PCSK6: variants seen among roughly 807,000 people sequenced by gnomAD.
PCSK6 encodes paired basic amino acid cleaving enzyme 4.
Under a neutral mutation model 123.3 loss-of-function variants are expected in PCSK6, and 85 were observed. That is an observed-to-expected ratio of 0.69 (90% confidence interval 0.58 to 0.83). PCSK6 has a LOEUF of 0.83. Ranked by LOEUF, PCSK6 falls within the 40% of genes least tolerant of loss-of-function variation. The probability of loss-of-function intolerance (pLI) is 0.00; values close to 1 mark genes in which losing one functional copy is unlikely to be tolerated. For synonymous variants in PCSK6, 508 were observed against 516.0 expected, an observed-to-expected ratio of 0.98 and a Z score of 0.21; for missense variants, 1,191 against 1,282.3, an observed-to-expected ratio of 0.93 and a Z score of 1.09.
At chr15:101,341,914 G>A (rs921421046) in intron 13 of PCSK6, among the ~76,000 whole-genome samples, 9 of 152,262 alleles carry the variant, frequency 5.9e-5, no homozygotes, top group Admixed American at 5.2e-4. Context: ...TGGGTCACTT[G>A]AGGTCAGGAG....
chr15:101,447,910 A>G (rs1326119312), intron 1 of PCSK6, among the ~76,000 whole-genome samples: 3 of 152,342 alleles, frequency 2.0e-5, no homozygotes, highest in Admixed American at 1.3e-4. Context: ...GGGCCCTGGC[A>G]GCCTCCTCCT....
intron 6 of PCSK6, among the ~76,000 whole-genome samples, chr15:101,413,756 T>C (rs2055787073): frequency 6.6e-6 from 1 of 152,224 alleles, no homozygotes; most frequent in East Asian, 1.9e-4. Context: ...ATGCCTTGAC[T>C]TGATCATTCT....
intron 6 of PCSK6, among the ~76,000 whole-genome samples, chr15:101,411,446 C>T (rs1026713147): frequency 6.6e-6 from 1 of 152,106 alleles, no homozygotes; most frequent in Non-Finnish European, 1.5e-5. Flanking sequence ...AGCAACAGCT[C>T]CCTCCACTCC....
At chr15:101,429,690 T>C (rs2056381696) in intron 5 of PCSK6, among the ~76,000 whole-genome samples, 1 of 152,006 alleles carries the variant, frequency 6.6e-6, no homozygotes, top group South Asian at 2.1e-4. Context: ...GACTTAAGGG[T>C]TTCTCTTTTA....
intron 1 of PCSK6, among the ~76,000 whole-genome samples, chr15:101,488,089 A>C (rs1351191268): frequency 1.3e-5 from 2 of 152,194 alleles, no homozygotes. Flanking sequence ...ATAGTACATC[A>C]ACGTGGGGCT....
At chr15:101,354,276 A>C (rs956819585) in intron 13 of PCSK6, among the ~76,000 whole-genome samples, 11 of 152,228 alleles carry the variant, frequency 7.2e-5, no homozygotes, top group Admixed American at 3.3e-4. Flanking sequence ...ATAGACATGC[A>C]CATGGACACA....
At chr15:101,362,574 T>C (rs1005168768) in intron 13 of PCSK6, among the ~76,000 whole-genome samples, 23 of 151,700 alleles carry the variant, frequency 1.5e-4, no homozygotes, top group African/African-American at 5.1e-4. Context: ...GGCCCCCAGG[T>C]GTGGCATCAC....
chr15:101,423,514 A>G (rs2056152852), intron 6 of PCSK6, among the ~76,000 whole-genome samples: 1 of 152,166 alleles, frequency 6.6e-6, no homozygotes, highest in South Asian at 2.1e-4. Context: ...CACTCACCTC[A>G]GCCACCCAAA....
At chr15:101,418,114 G>A (rs1221068154) in intron 6 of PCSK6, among the ~76,000 whole-genome samples, 2 of 152,206 alleles carry the variant, frequency 1.3e-5, no homozygotes, top group East Asian at 3.9e-4. Flanking sequence ...TGAAAATCTT[G>A]AAAAATTGAT....
chr15:101,412,256 G>A (rs1384845878), intron 6 of PCSK6, among the ~76,000 whole-genome samples: 1 of 152,156 alleles, frequency 6.6e-6, no homozygotes, highest in Non-Finnish European at 1.5e-5. Flanking sequence ...AAATGTACAG[G>A]TTTCAAAGGA....
chr15:101,461,076 T>C (rs2057330186), intron 1 of PCSK6, among the ~76,000 whole-genome samples: 1 of 152,072 alleles, frequency 6.6e-6, no homozygotes, highest in East Asian at 1.9e-4. Flanking sequence ...AAAGGCCAAA[T>C]GCAGTTCTTT....
intron 1 of PCSK6, among the ~76,000 whole-genome samples, chr15:101,450,490 C>T (rs111500401): frequency 0.011 from 1,732 of 152,314 alleles, 25 homozygotes; most frequent in African/African-American, 0.035. Flanking sequence ...GCTATGACAC[C>T]CTTTGTCCTC....
Position 101,330,404 on chromosome 15 carries a change from A to G in PCSK6, c.2077+1247T>C, listed in dbSNP as rs138967821. ...CCGTCACTCCTGATGCACCATGACC[A>G]TGGCCGGCTCCGCACACCCCGTCTC... On this transcript the variant is annotated intron_variant, in intron 15 of 21. Coordinates refer to ENST00000611716, the MANE Select transcript of PCSK6 (RefSeq NM_002570.5). Among the ~76,000 whole-genome samples the G allele has an allele frequency of 1.9e-3, 287 of 152,286 alleles. 1 individual carries two copies. Among genetic ancestry groups the G allele is most frequent in the African/African-American group, 6.6e-3 (275 of 41,568 alleles).
At chr15:101,438,205 C>T (rs145652818) in intron 2 of PCSK6, among the ~76,000 whole-genome samples, 1 of 152,342 alleles carries the variant, frequency 6.6e-6, no homozygotes, top group Non-Finnish European at 1.5e-5. Context: ...ACTATGAGGT[C>T]CAACACTGCT....
intron 12 of PCSK6, among the ~76,000 whole-genome samples, chr15:101,368,302 G>A (rs2041461160): frequency 6.6e-6 from 1 of 152,214 alleles, no homozygotes; most frequent in Non-Finnish European, 1.5e-5. Flanking sequence ...GGGAGGCTGG[G>A]GCAGCGGAAG....
Position 101,362,050 on chromosome 15 carries a change from A to G in PCSK6, c.1858+4146T>C, listed in dbSNP as rs566872906. Reference sequence around the variant, plus strand: ...CAGCTCACTGCAAGCTCCACCTCCCAGGTTCACACCATTCTCTTCCCTCAG... The same window carrying G: ...CAGCTCACTGCAAGCTCCACCTCCCGGGTTCACACCATTCTCTTCCCTCAG... On this transcript the variant is annotated intron_variant, in intron 13 of 21. Coordinates refer to ENST00000611716, the MANE Select transcript of PCSK6 (RefSeq NM_002570.5). 3.4e-3 allele frequency among the ~76,000 whole-genome samples: 465 copies of G among 135,516 alleles called. 1 individual carries two copies. Among genetic ancestry groups the G allele is most frequent in the Middle Eastern group, 0.014 (3 of 210 alleles). The allele number at this position is 135,516 out of a possible 152,430, so 88.9% of individuals were successfully genotyped here. A position where few individuals can be genotyped will look rare whatever the true frequency, so the allele number is the denominator to read the frequency against.
intron 6 of PCSK6, among the ~76,000 whole-genome samples, chr15:101,408,474 C>A (rs1344683137): frequency 6.6e-6 from 1 of 152,226 alleles, no homozygotes; most frequent in Non-Finnish European, 1.5e-5. Flanking sequence ...GGCATGGCCA[C>A]CAGGGAGACA....
intron 1 of PCSK6, among the ~76,000 whole-genome samples, chr15:101,466,824 G>A (rs1344632599): frequency 6.6e-6 from 1 of 152,144 alleles, no homozygotes; most frequent in Non-Finnish European, 1.5e-5. Context: ...GAGAGTAGAT[G>A]AGTGGCTGCT....
intron 2 of PCSK6, among the ~76,000 whole-genome samples, chr15:101,442,311 T>TCTAC: frequency 6.6e-6 from 1 of 152,290 alleles, no homozygotes; most frequent in African/African-American, 2.4e-5. Context: ...CTTATCCGTA[T>TCTAC]CTATCTATCC....
Sources: allele counts gnomAD v4.1 joint callset (sites outside exome capture counted in the v4.1 genomes callset), GRCh38; gene constraint gnomAD v4.1.1; transcripts MANE v1.5; gene names NCBI Gene and HGNC (gene_info 2026-07-23, HGNC 2026-07-21).